BMP1: variants seen among roughly 807,000 people sequenced by gnomAD.
BMP1 encodes the protein bone morphogenetic protein 1, also known as mammalian tolloid protein.
In BMP1, 63 loss-of-function variants were observed where a neutral mutation model predicts 116.8. That is an observed-to-expected ratio of 0.54 (90% CI 0.44 to 0.67). The LOEUF (loss-of-function observed/expected upper bound fraction) is 0.67, where lower values mean the gene tolerates loss of function less well. Among genes scored for constraint, BMP1 ranks in the 30% least tolerant of loss-of-function variants. The pLI is 0.00. For missense variants in BMP1, 1,183 were observed against 1,358.9 expected (o/e 0.87, Z 2.04); for synonymous variants, 536 against 533.4 (o/e 1.00, Z -0.07).
Position 22,188,416 on chromosome 8 carries a change from C to T in BMP1, c.1078-3633C>T, listed in dbSNP as rs78931992. Reference sequence around the variant, plus strand: ...AACTCCTGAGCTCAAGCGATCCTTCCGCCTCAGTCACCCAAAGTGCTGGGA... The same window carrying T: ...AACTCCTGAGCTCAAGCGATCCTTCTGCCTCAGTCACCCAAAGTGCTGGGA... On this transcript the variant is annotated intron_variant, in intron 8 of 19. Coordinates refer to ENST00000306385, the MANE Select transcript of BMP1 (RefSeq NM_006129.5). Among the ~76,000 whole-genome samples the T allele has an allele frequency of 7.2e-3, 1,103 of 152,212 alleles. 12 individuals are homozygous for T. Among genetic ancestry groups the T allele is most frequent in the African/African-American group, 0.025 (1,048 of 41,532 alleles).
chr8:22,190,837 C>A (rs927966681), intron 8 of BMP1, among the ~76,000 whole-genome samples: 1 of 152,202 alleles, frequency 6.6e-6, no homozygotes, highest in African/African-American at 2.4e-5. Context: ...CGGTCCCCTT[C>A]TCTAGCAGAG....
At position 22,183,847 on chromosome 8, in the gene BMP1, A is replaced by T. The variant is rs193132281; in HGVS notation, c.1077+3364A>T. Among the ~76,000 whole-genome samples, 582 of 152,202 alleles carry T rather than the reference A, an allele frequency of 3.8e-3. 5 individuals carry two copies. The highest frequency in any genetic ancestry group is 0.014 in the African/African-American group (563 of 41,522). On this transcript the variant is annotated intron_variant, in intron 8 of 19. Transcript: ENST00000306385. ...TGCCTCGGCCTCCCAGAGTGCTGGG[A>T]TTACAGACGTGAGCCGCCGCGCCTG...
chr8:22,198,715 T>C, intron 15 of BMP1: 1 of 176,142 alleles, frequency 5.7e-6, no homozygotes, highest in South Asian at 1.3e-4. Context: ...AAGCCCCCTC[T>C]GTGGCTGCCC....
At position 22,165,439 on chromosome 8, in the gene BMP1, G is replaced by C. The variant is rs318240762; in HGVS notation, c.34G>C (p.Gly12Arg). 6.4e-6 allele frequency: 10 copies of C among 1,564,780 alleles called. No homozygotes were observed. The highest frequency in any genetic ancestry group is 2.3e-5 in the South Asian group (2 of 85,912). The part of the protein sequence containing the change: ...PGVARLPLLL[G>R]LLLLPRPGRP... The stretch of plus-strand genomic sequence containing the variant: ...CGTGGCCCGCCTGCCGCTGCTGCTC[G>C]GGCTGCTGCTGCTCCCGCGTCCCGG... The change falls in exon 1 of 20, where the codon GGG becomes CGG. Residue 12 changes from glycine (G) to arginine (R), a missense_variant. This residue lies in a region of BMP1 where 185 missense variants were observed against 158.9 expected (regional missense o/e 1.16). Transcript: ENST00000306385.
intron 8 of BMP1, among the ~76,000 whole-genome samples, chr8:22,184,284 C>G (rs1191653708): frequency 1.3e-5 from 2 of 152,206 alleles, no homozygotes; most frequent in African/African-American, 4.8e-5. Context: ...CTTCCCTGTT[C>G]TTCCTGGCTG....
At chr8:22,176,374 C>T in intron 3 of BMP1, 61 bp downstream of exon 3, 4 of 1,562,880 alleles carry the variant, frequency 2.6e-6, no homozygotes, top group Non-Finnish European at 8.7e-7. Context: ...CTTGTGGCAG[C>T]CCTGCCAGGC....
At position 22,174,120 on chromosome 8, in the gene BMP1, C is replaced by G. The variant is rs565206907; in HGVS notation, c.262+405C>G. Among the ~76,000 whole-genome samples, 7 of 152,332 alleles carry G rather than the reference C, an allele frequency of 4.6e-5. No homozygotes were observed. The South Asian group carries it at 1.5e-3, about 32-fold the overall frequency. The stretch of plus-strand genomic sequence containing the variant: ...GCTGGGACTGGAACTCAAGCTTTCT[C>G]ACTCCAGACCTGAGACTCTGCCCAA... On this transcript the variant is annotated intron_variant, in intron 2 of 19. Coordinates refer to ENST00000306385, the MANE Select transcript of BMP1 (RefSeq NM_006129.5).
intron 19 of BMP1, among the ~76,000 whole-genome samples, chr8:22,210,468 T>TCTCTCTCTCACACACACA (rs10664439): frequency 7.4e-5 from 10 of 135,564 alleles, no homozygotes; most frequent in African/African-American, 1.2e-4. Flanking sequence ...TCTCTCTCTC[T>TCTCTCTCTCACACACACA]CACACACATA....
intron 2 of BMP1, among the ~76,000 whole-genome samples, chr8:22,174,595 A>C (rs1441235717): frequency 6.7e-6 from 1 of 148,304 alleles, no homozygotes; most frequent in Non-Finnish European, 1.5e-5. Flanking sequence ...CCCAAAGGGC[A>C]GGGGCAGGGA....
intron 6 of BMP1, 82 bp downstream of exon 6, chr8:22,178,039 C>G: frequency 8.5e-7 from 1 of 1,173,158 alleles, no homozygotes; most frequent in Non-Finnish European, 1.2e-6. Flanking sequence ...CTGCCTCCCA[C>G]TTCTGGGGCA....
intron 18 of BMP1, 61 bp from the exon 19 acceptor site, chr8:22,209,384 G>C: frequency 3.2e-6 from 5 of 1,586,268 alleles, no homozygotes; most frequent in Middle Eastern, 1.7e-4. Context: ...ATGGCATAGT[G>C]TGCCATGGGG....
In BMP1 at chr8:22,192,024, C is replaced by G. The variant is rs559736255; in HGVS notation, c.1078-25C>G. The G allele has an allele frequency of 1.9e-6, 3 of 1,591,004 alleles. No homozygotes were observed. In the African/African-American group the frequency reaches 4.0e-5, roughly 21 times the overall value. Reference sequence around the variant, plus strand: ...TGGTGCAATGTTCGGGACAGCTTAACCCTCTTCCTCCCCTGTTGCCCTAGA... The same window carrying G: ...TGGTGCAATGTTCGGGACAGCTTAAGCCTCTTCCTCCCCTGTTGCCCTAGA... On this transcript the variant is annotated intron_variant, in intron 8 of 19. Transcript: ENST00000306385.
Position 22,211,668 on chromosome 8 carries a change from A to G in BMP1, c.2901A>G (p.Lys967=). The change falls in exon 20 of 20, where the codon AAA becomes AAG. Residue 967 remains lysine, a synonymous_variant. Coordinates refer to ENST00000306385, the MANE Select transcript of BMP1 (RefSeq NM_006129.5). ...KFHSDDTITK[K]GFHLRYTSTK... ...ACTCGGATGACACCATCACCAAAAA[A>G]GGTTTCCACCTGCGATACACCAGCA... 1 of 1,614,188 alleles carries G rather than the reference A, an allele frequency of 6.2e-7. No individual in the cohort carries two copies. Among genetic ancestry groups the G allele is most frequent in the Non-Finnish European group, 8.5e-7 (1 of 1,180,028 alleles).
At chr8:22,176,698 C>G in intron 4 of BMP1, 48 bp downstream of exon 4, 3 of 1,593,436 alleles carry the variant, frequency 1.9e-6, no homozygotes. Flanking sequence ...TGCCCCAACC[C>G]AGGTTCTGCC....
In BMP1 at chr8:22,206,999, C is replaced by G. The variant is rs746909144; in HGVS notation, c.2361+18C>G. On this transcript the variant is annotated intron_variant, in intron 17 of 19. Coordinates refer to ENST00000306385, the MANE Select transcript of BMP1 (RefSeq NM_006129.5). The stretch of plus-strand genomic sequence containing the variant: ...TCAAGCTGGTAAGGGGTCCCCTCCC[C>G]ACTCCTTATGCGGTGTGGCTGCCCC... 1 of 1,613,420 alleles carries G rather than the reference C, an allele frequency of 6.2e-7. No individual in the cohort carries two copies. The highest frequency in any genetic ancestry group is 8.5e-7 in the Non-Finnish European group (1 of 1,179,772).
rs764913462 is a variant in BMP1 at position 22,211,744 on chromosome 8, G to C, written c.*16G>C. ...CAGGAAGTGACCACTGCCTGAGCAG[G>C]GGCGGGGACTGGAGCCTGCTGCCCT... On this transcript the variant is annotated 3_prime_UTR_variant, in exon 20 of 20. Transcript: ENST00000306385. 6.2e-7 allele frequency: 1 copy of C among 1,613,978 alleles called. No individual in the cohort carries two copies. The highest frequency in any genetic ancestry group is 2.2e-5 in the East Asian group (1 of 44,902).
intron 16 of BMP1, among the ~76,000 whole-genome samples, 174 bp downstream of exon 16, chr8:22,202,102 C>T (rs890857840): frequency 6.6e-6 from 1 of 152,244 alleles, no homozygotes; most frequent in African/African-American, 2.4e-5. Context: ...AGTGTCGGAG[C>T]CACACGCTCA....
At chr8:22,210,910 G>A (rs1441091734) in intron 19 of BMP1, among the ~76,000 whole-genome samples, 2 of 152,256 alleles carry the variant, frequency 1.3e-5, no homozygotes, top group African/African-American at 4.8e-5. Context: ...ATGTCCTCAA[G>A]GTTCTCAGAA....
At position 22,179,888 on chromosome 8, in the gene BMP1, G is replaced by T; in HGVS notation, c.961+59G>T. On this transcript the variant is annotated intron_variant, in intron 7 of 19. Coordinates refer to ENST00000306385, the MANE Select transcript of BMP1 (RefSeq NM_006129.5). The surrounding 1 kb of genome is among the most constrained non-coding windows in gnomAD (Gnocchi z 4.6). ...AGGGCAGGGCCTGAGGGAGGCAGAG[G>T]CCAGGTGCCTGGTGCCACCAAGAAG... 2 of 1,535,742 alleles carry T rather than the reference G, an allele frequency of 1.3e-6. No individual in the cohort carries two copies. The highest frequency in any genetic ancestry group is 1.9e-5 in the Admixed American group (1 of 52,086).
Sources: gnomAD v4.1 joint callset for allele counts (sites outside exome capture counted in the v4.1 genomes callset) on GRCh38, gnomAD v4.1.1 for gene constraint, gnomAD v4.1.1 regional missense constraint, Gnocchi (gnomAD v3.1) non-coding constraint, MANE v1.5 for transcripts, NCBI Gene and HGNC (gene_info 2026-07-23, HGNC 2026-07-21) for gene names.